CD96: variants seen among roughly 807,000 people sequenced by gnomAD.
CD96 encodes the protein T-cell surface protein tactile.
A neutral mutation model predicts 71.3 loss-of-function variants in CD96; 70 were observed. That is an observed-to-expected ratio of 0.98 (90% CI 0.81 to 1.20). The LOEUF is 1.20. Among genes scored for constraint, CD96 ranks in the 50% most tolerant of loss-of-function variants. CD96 has a pLI of 0.00. For synonymous variants in CD96, 248 were observed against 233.0 expected, an observed-to-expected ratio of 1.06 and a Z score of -0.59; for missense variants, 742 against 677.5, an observed-to-expected ratio of 1.10 and a Z score of -1.06.
chr3:111,648,867 TA>T (rs1243412010), intron 13 of CD96, among the ~76,000 whole-genome samples: 1 of 152,244 alleles, frequency 6.6e-6, no homozygotes, highest in Non-Finnish European at 1.5e-5. Context: ...TCAAGATAGC[TA>T]GAGCATTTGT....
Position 111,579,024 on chromosome 3 carries a change from C to G in CD96, c.544-3C>G. 6.4e-7 allele frequency: 1 copy of G among 1,556,714 alleles called. No homozygotes were observed. The highest frequency in any genetic ancestry group is 8.9e-7 in the Non-Finnish European group (1 of 1,127,994). ...AATAACTGGTAACAATTTTTCTCAC[C>G]AGGAGGATAATGGAACTCAGGAAAC... On this transcript the variant is annotated splice_polypyrimidine_tract_variant and splice_region_variant and intron_variant, in intron 3 of 13. Transcript: ENST00000352690.
chr3:111,644,275 G>T (rs1055919462), intron 12 of CD96, among the ~76,000 whole-genome samples: 3 of 152,084 alleles, frequency 2.0e-5, no homozygotes, highest in Non-Finnish European at 4.4e-5. Context: ...ACATGTAGGA[G>T]AATTAAACTG....
intron 4 of CD96, among the ~76,000 whole-genome samples, chr3:111,583,444 C>T (rs1936561260): frequency 6.6e-6 from 1 of 152,182 alleles, no homozygotes; most frequent in African/African-American, 2.4e-5. Context: ...CTCACAGCTC[C>T]ACTAGTCAGT....
At chr3:111,643,840 C>T (rs1939706639) in intron 12 of CD96, among the ~76,000 whole-genome samples, 1 of 151,334 alleles carries the variant, frequency 6.6e-6, no homozygotes. Flanking sequence ...TCATAGATGA[C>T]ACAAACAAAT....
Position 111,612,023 on chromosome 3 carries a change from T to C in CD96, c.1180+5231T>C, listed in dbSNP as rs551388867. Reference sequence around the variant, plus strand: ...TTTAGATGTAGTTGAAGGCCTGTATTGTCCAGTTAATGTCACTACTGTGTT... The same window carrying C: ...TTTAGATGTAGTTGAAGGCCTGTATCGTCCAGTTAATGTCACTACTGTGTT... On this transcript the variant is annotated intron_variant, in intron 8 of 13. Transcript: ENST00000352690. 1.1e-4 allele frequency among the ~76,000 whole-genome samples: 16 copies of C among 152,316 alleles called. 2 individuals carry two copies. The South Asian group carries it at 3.3e-3, about 32-fold the overall frequency.
chr3:111,585,230 G>A (rs2107602166), intron 4 of CD96, 93 bp from the exon 5 acceptor site: 3 of 540,420 alleles, frequency 5.6e-6, no homozygotes, highest in South Asian at 3.3e-5. Flanking sequence ...TTTAATGAAT[G>A]AAGATGCTTA....
At chr3:111,574,571 T>C (rs972296651) in intron 3 of CD96, among the ~76,000 whole-genome samples, 21 of 152,164 alleles carry the variant, frequency 1.4e-4, no homozygotes, top group African/African-American at 4.3e-4. Flanking sequence ...AAGGGACATA[T>C]AACAGCAGTT....
At position 111,600,195 on chromosome 3, in the gene CD96, T is replaced by C. The variant is rs1937431396; in HGVS notation, c.899-531T>C. On this transcript the variant is annotated intron_variant, in intron 6 of 13. Coordinates refer to ENST00000352690, the MANE Select transcript of CD96 (RefSeq NM_005816.5). Reference sequence around the variant, plus strand: ...CAGATATGAGCTCCTTCGTCCTTCCTCTCTAAGGGCCACAGCCAGACACAC... The same window carrying C: ...CAGATATGAGCTCCTTCGTCCTTCCCCTCTAAGGGCCACAGCCAGACACAC... Among the ~76,000 whole-genome samples the C allele has an allele frequency of 2.0e-5, 3 of 152,154 alleles. No individual in the cohort carries two copies. The South Asian group carries it at 6.2e-4, about 32-fold the overall frequency.
chr3:111,657,927 CAT>C (rs1265388587), intron 14 of CD96, among the ~76,000 whole-genome samples: 1 of 152,158 alleles, frequency 6.6e-6, no homozygotes, highest in African/African-American at 2.4e-5. Flanking sequence ...CTTGAGCATG[CAT>C]ATGTGTTTTG....
chr3:111,596,200 A>G lies in CD96; in HGVS notation c.808-1920A>G, dbSNP rs544194426. Among the ~76,000 whole-genome samples the G allele has an allele frequency of 2.6e-5, 4 of 152,086 alleles. No individual in the cohort carries two copies. In the East Asian group the frequency reaches 7.7e-4, roughly 29 times the overall value. Reference sequence around the variant, plus strand: ...AATAAAATGAATAAATAAAAATAAAAAAAGAAAGAAAAGAAAAAGAAATGG... The same window carrying G: ...AATAAAATGAATAAATAAAAATAAAGAAAGAAAGAAAAGAAAAAGAAATGG... On this transcript the variant is annotated intron_variant, in intron 5 of 13. Transcript: ENST00000352690.
chr3:111,663,905 C>A (rs900594649), intron 14 of CD96, among the ~76,000 whole-genome samples: 3 of 152,094 alleles, frequency 2.0e-5, no homozygotes, highest in African/African-American at 7.2e-5. Context: ...CCTGCCACCA[C>A]ACGCCCAGAA....
At chr3:111,587,975 G>A (rs775876896) in intron 5 of CD96, among the ~76,000 whole-genome samples, 12 of 152,194 alleles carry the variant, frequency 7.9e-5, no homozygotes, top group Admixed American at 7.9e-4. Context: ...AGGGGCTGCT[G>A]CAAAAGTCTC....
chr3:111,623,660 T>A, intron 8 of CD96, 94 bp from the exon 9 acceptor site: 2 of 795,806 alleles, frequency 2.5e-6, no homozygotes, highest in Non-Finnish European at 4.4e-6. Flanking sequence ...TCTTTCCAAC[T>A]CTAATATTCC....
At chr3:111,661,771 G>C (rs1940364795) in intron 14 of CD96, among the ~76,000 whole-genome samples, 2 of 152,226 alleles carry the variant, frequency 1.3e-5, no homozygotes, top group Admixed American at 6.5e-5. Flanking sequence ...CAGTCCTCTT[G>C]GCTGCTTTCA....
At chr3:111,642,064 AAT>A (rs1939618151) in intron 12 of CD96, among the ~76,000 whole-genome samples, 1 of 152,196 alleles carries the variant, frequency 6.6e-6, no homozygotes, top group African/African-American at 2.4e-5. Flanking sequence ...GCAAACAGAC[AAT>A]CTAAGGTCAC....
At chr3:111,623,008 T>C (rs1364193829) in intron 8 of CD96, among the ~76,000 whole-genome samples, 24 of 152,250 alleles carry the variant, frequency 1.6e-4, no homozygotes, top group Admixed American at 1.6e-3. Context: ...ATTTTCCTTG[T>C]TCCTATTTTG....
Position 111,567,407 on chromosome 3 carries a change from G to T in CD96, c.419-116G>T, listed in dbSNP as rs1348162878. The T allele has an allele frequency of 5.0e-6, 4 of 798,722 alleles. No individual in the cohort carries two copies. The East Asian group carries it at 7.8e-5, about 16-fold the overall frequency. The allele number at this position is 798,722 out of a possible 1,614,324, so 49.5% of individuals were successfully genotyped here. ...GGGAGTTTGCCTCTCTTTTTCATAG[G>T]TGTACCCTGAGGACAGATGAATCCC... On this transcript the variant is annotated intron_variant, in intron 2 of 13. Transcript: ENST00000352690.
At chr3:111,585,895 G>T (rs1157821683) in intron 5 of CD96, among the ~76,000 whole-genome samples, 1 of 152,062 alleles carries the variant, frequency 6.6e-6, no homozygotes, top group African/African-American at 2.4e-5. Flanking sequence ...ATTGAATAGG[G>T]ACCTCTGACT....
chr3:111,659,617 C>A (rs1209775941), intron 14 of CD96, among the ~76,000 whole-genome samples: 2 of 152,076 alleles, frequency 1.3e-5, no homozygotes, highest in African/African-American at 2.4e-5. Context: ...GGAGGAAGTT[C>A]TTTAATTTCC....
Sources: allele counts gnomAD v4.1 joint callset (sites outside exome capture counted in the v4.1 genomes callset), GRCh38; gene constraint gnomAD v4.1.1; transcripts MANE v1.5; gene names NCBI Gene and HGNC (gene_info 2026-07-23, HGNC 2026-07-21).